NYAP2: variants seen among roughly 807,000 people sequenced by gnomAD.
NYAP2 encodes neuronal tyrosine-phosphorylated phosphoinositide-3-kinase adapter 2.
Under a neutral mutation model 50.4 loss-of-function variants are expected in NYAP2, and 23 were observed. That is an observed-to-expected ratio of 0.46 (90% CI 0.33 to 0.65). NYAP2 has a LOEUF of 0.65. NYAP2 is among the 30% of genes least tolerant of loss of function. NYAP2 has a pLI of 0.02. For synonymous variants in NYAP2, 394 were observed against 365.2 expected (o/e 1.08, Z -0.90); for missense variants, 885 against 861.0 (o/e 1.03, Z -0.35).
At position 225,430,081 on chromosome 2, in the gene NYAP2, A is replaced by ATC. The variant is rs376930193; in HGVS notation, c.221+20994_221+20995dup. Among the ~76,000 whole-genome samples, 13 of 151,520 alleles carry ATC rather than the reference A, an allele frequency of 8.6e-5. No homozygotes were observed. The East Asian group carries it at 9.7e-4, about 11-fold the overall frequency. ...TTTTAAAATCTATTCACTCATATTT[A>ATC]TCTCTCTCTCTCTCTTTCTCTTCCT... On this transcript the variant is annotated intron_variant, in intron 3 of 6. Coordinates refer to ENST00000636099, the Ensembl canonical transcript of NYAP2.
intron 6 of NYAP2, among the ~76,000 whole-genome samples, chr2:225,636,028 T>A (rs970735117): frequency 6.6e-6 from 1 of 152,216 alleles, no homozygotes; most frequent in Admixed American, 6.5e-5. Context: ...TTCTTCAACG[T>A]ATACTTTGTG....
At chr2:225,684,876 A>G in the NYAP2 span, among the ~76,000 whole-genome samples, 12 of 152,146 alleles carry the variant, frequency 7.9e-5, no homozygotes, top group Non-Finnish European at 1.6e-4. Flanking sequence ...TATACAAAAC[A>G]CAACTGTGGG....
chr2:225,429,813 A>G (rs1283614628), intron 3 of NYAP2, among the ~76,000 whole-genome samples: 6 of 152,310 alleles, frequency 3.9e-5, no homozygotes, highest in Middle Eastern at 3.4e-3. Context: ...TGGTGCATCT[A>G]TGATAGAGCA....
chr2:225,425,046 A>G (rs979935240), intron 3 of NYAP2, among the ~76,000 whole-genome samples: 1 of 152,176 alleles, frequency 6.6e-6, no homozygotes, highest in Non-Finnish European at 1.5e-5. Context: ...TGGCAACCTC[A>G]ACTATAGAAA....
intron 5 of NYAP2, among the ~76,000 whole-genome samples, chr2:225,621,491 C>G (rs1315224438): frequency 6.6e-6 from 1 of 151,976 alleles, no homozygotes; most frequent in East Asian, 1.9e-4. Context: ...AAATGAGGAG[C>G]TGTTATTAAG....
the NYAP2 span, among the ~76,000 whole-genome samples, chr2:225,669,827 C>T: frequency 6.6e-6 from 1 of 152,142 alleles, no homozygotes; most frequent in African/African-American, 2.4e-5. Context: ...TTCTGTCCAG[C>T]AGTCAGATGA....
intron 3 of NYAP2, among the ~76,000 whole-genome samples, chr2:225,505,073 T>G (rs921511306): frequency 2.6e-5 from 4 of 152,010 alleles, no homozygotes; most frequent in Non-Finnish European, 5.9e-5. Flanking sequence ...TAATGGAAAC[T>G]GAGTCCTTTC....
At chr2:225,623,488 CT>C (rs537643003) in intron 5 of NYAP2, among the ~76,000 whole-genome samples, 110 of 148,762 alleles carry the variant, frequency 7.4e-4, no homozygotes, top group Admixed American at 1.8e-3. Context: ...CAGGATATTT[CT>C]TTTTTTTTTA....
At chr2:225,527,819 T>A (rs1041452615) in intron 4 of NYAP2, among the ~76,000 whole-genome samples, 9 of 152,110 alleles carry the variant, frequency 5.9e-5, no homozygotes, top group African/African-American at 1.9e-4. Flanking sequence ...AGCTAATTTT[T>A]CTATTTTTTG....
intron 5 of NYAP2, among the ~76,000 whole-genome samples, chr2:225,603,833 C>A (rs1360544066): frequency 6.6e-6 from 1 of 152,122 alleles, no homozygotes. Flanking sequence ...TCTCCTATTC[C>A]TTCTCTTTTT....
chr2:225,490,476 G>T (rs1690385102), intron 3 of NYAP2, among the ~76,000 whole-genome samples: 1 of 152,186 alleles, frequency 6.6e-6, no homozygotes, highest in Admixed American at 6.5e-5. Context: ...CTTTGAGAAA[G>T]ACTGGGGATT....
At chr2:225,526,466 G>A (rs1691153979) in intron 4 of NYAP2, among the ~76,000 whole-genome samples, 2 of 152,168 alleles carry the variant, frequency 1.3e-5, no homozygotes, top group South Asian at 4.1e-4. Flanking sequence ...TAAATGAGAT[G>A]ATAGAGGTTC....
intron 5 of NYAP2, 68 bp from the exon 6 acceptor site, chr2:225,626,849 T>A: frequency 2.4e-6 from 3 of 1,226,500 alleles, no homozygotes; most frequent in Non-Finnish European, 3.5e-6. Context: ...ATCACACTAA[T>A]TTTTTGAAAG....
chr2:225,632,486 T>G (rs181832588), intron 6 of NYAP2, among the ~76,000 whole-genome samples: 1 of 152,370 alleles, frequency 6.6e-6, no homozygotes, highest in African/African-American at 2.4e-5. Flanking sequence ...TTGAAATGGT[T>G]GTTCTTAACA....
chr2:225,616,334 C>T (rs148914402), intron 5 of NYAP2, among the ~76,000 whole-genome samples: 11 of 152,274 alleles, frequency 7.2e-5, no homozygotes, highest in East Asian at 3.9e-4. Flanking sequence ...AATATGCCCC[C>T]GCTCCTCCAT....
chr2:225,408,736 C>A (rs1212516530), intron 2 of NYAP2, 128 bp from the exon 3 acceptor site: 1 of 578,272 alleles, frequency 1.7e-6, no homozygotes, highest in South Asian at 2.2e-5. Context: ...TGTAATTATT[C>A]TAGTGAGATA....
intron 6 of NYAP2, among the ~76,000 whole-genome samples, chr2:225,639,518 C>A (rs1021330600): frequency 4.0e-5 from 6 of 151,884 alleles, no homozygotes; most frequent in African/African-American, 1.5e-4. Flanking sequence ...GAAATCAAGT[C>A]AATTGCCCAG....
chr2:225,554,524 A>C (rs1272543654), intron 4 of NYAP2, among the ~76,000 whole-genome samples: 1 of 151,926 alleles, frequency 6.6e-6, no homozygotes, highest in Non-Finnish European at 1.5e-5. Flanking sequence ...AGGTTTTGCC[A>C]TGTTGGTCGG....
intron 3 of NYAP2, among the ~76,000 whole-genome samples, chr2:225,507,995 A>G (rs993456328): frequency 2.0e-5 from 3 of 152,182 alleles, no homozygotes; most frequent in African/African-American, 7.2e-5. Flanking sequence ...TTTGGTGGAG[A>G]TATTTACAAA....
Sources: gnomAD v4.1 joint callset for allele counts (sites outside exome capture counted in the v4.1 genomes callset) on GRCh38, gnomAD v4.1.1 for gene constraint, MANE v1.5 for transcripts, NCBI Gene and HGNC (gene_info 2026-07-23, HGNC 2026-07-21) for gene names.